HDX: variants seen among roughly 807,000 people sequenced by gnomAD.
HDX encodes highly divergent homeobox, also known as chromosome X open reading frame 43.
A neutral mutation model predicts 45.2 loss-of-function variants in HDX; 19 were observed. The ratio of observed to expected loss-of-function variants is 0.42; its 90% CI spans 0.29 to 0.62. The LOEUF (loss-of-function observed/expected upper bound fraction) is 0.62. Among genes scored for constraint, HDX ranks in the 20% least tolerant of loss-of-function variants. The pLI is 0.20. For missense variants in HDX, 532 were observed against 493.9 expected (o/e 1.08, Z -0.73); for synonymous variants, 188 against 172.8 (o/e 1.09, Z -0.69).
At position 84,404,486 on chromosome X, in the gene HDX, A is replaced by C. The variant is rs984633459; in HGVS notation, c.1305+36046T>G. 6.3e-5 allele frequency among the ~76,000 whole-genome samples: 7 copies of C among 111,662 alleles called. No individual in the cohort carries two copies. In the East Asian group the frequency reaches 1.1e-3, roughly 18 times the overall value. Reference sequence around the variant, plus strand: ...CATAACATCTGATCTAAGGTTAAGAATACTGTAGCATAATACAGTACCAAT... The same window carrying C: ...CATAACATCTGATCTAAGGTTAAGACTACTGTAGCATAATACAGTACCAAT... On this transcript the variant is annotated intron_variant, in intron 5 of 10. Transcript: ENST00000373177.
chrX:84,493,554 A>G (rs1046983331), intron 1 of HDX, among the ~76,000 whole-genome samples: 5 of 112,111 alleles, frequency 4.5e-5, no homozygotes, highest in African/African-American at 9.7e-5. Flanking sequence ...ATAAAGGGAC[A>G]TATATGTCTA....
In HDX at chrX:84,462,686, T is replaced by A. The variant is rs774238530; in HGVS notation, c.1251+5786A>T. 1.7e-3 allele frequency among the ~76,000 whole-genome samples: 192 copies of A among 110,311 alleles called. 1 individual carries two copies. Among genetic ancestry groups the A allele is most frequent in the Non-Finnish European group, 2.6e-3 (136 of 52,651 alleles). On this transcript the variant is annotated intron_variant, in intron 4 of 10. Transcript: ENST00000373177. ...GTGATACTGTTCTATTAATAAAAAA[T>A]TAAGAATTTTTTAAAAAATTGGCAT...
intron 5 of HDX, among the ~76,000 whole-genome samples, chrX:84,388,339 A>C (rs2038367049): frequency 9.0e-6 from 1 of 110,988 alleles, no homozygotes; most frequent in East Asian, 2.8e-4. Context: ...CTTGGATTGC[A>C]TGTCAACATC....
At chrX:84,428,300 C>A (rs923228226) in intron 5 of HDX, among the ~76,000 whole-genome samples, 6 of 110,494 alleles carry the variant, frequency 5.4e-5, no homozygotes, top group Admixed American at 9.7e-5. Context: ...ACAATTTTCC[C>A]ATTTCAAGGG....
chrX:84,348,482 T>C (rs914630371), intron 6 of HDX, among the ~76,000 whole-genome samples: 3 of 112,046 alleles, frequency 2.7e-5, no homozygotes, highest in African/African-American at 9.7e-5. Context: ...TGATGCTTGC[T>C]CTGTCTCTTC....
At chrX:84,455,245 GAC>G (rs977742566) in intron 4 of HDX, among the ~76,000 whole-genome samples, 9 of 111,807 alleles carry the variant, frequency 8.0e-5, no homozygotes, top group African/African-American at 2.9e-4. Flanking sequence ...ACTAATTGTG[GAC>G]AGACAGAAAT....
chrX:84,437,664 C>T (rs1007527269), intron 5 of HDX, among the ~76,000 whole-genome samples: 1 of 110,702 alleles, frequency 9.0e-6, no homozygotes, highest in South Asian at 3.8e-4. Context: ...GATACCTACC[C>T]CCATTGGTGT....
chrX:84,478,661 T>C (rs2040606331), intron 2 of HDX, among the ~76,000 whole-genome samples: 2 of 111,476 alleles, frequency 1.8e-5, no homozygotes, highest in East Asian at 5.6e-4. Flanking sequence ...TGAAACCAGC[T>C]TGGGCAGCAT....
At chrX:84,396,877 G>A (rs2038579026) in intron 5 of HDX, among the ~76,000 whole-genome samples, 2 of 111,175 alleles carry the variant, frequency 1.8e-5, no homozygotes, top group South Asian at 7.7e-4. Flanking sequence ...CATGTTCTAG[G>A]GCCTCACAGT....
intron 1 of HDX, among the ~76,000 whole-genome samples, chrX:84,489,985 A>T (rs180895846): frequency 0.01 from 1,155 of 112,402 alleles, 23 homozygotes; most frequent in African/African-American, 0.036. Flanking sequence ...ATAAAATATT[A>T]AGTTACTGTT....
At chrX:84,401,191 A>G (rs2056768475) in intron 5 of HDX, among the ~76,000 whole-genome samples, 1 of 112,197 alleles carries the variant, frequency 8.9e-6, no homozygotes, top group African/African-American at 3.2e-5. Context: ...ACAAAAGCCA[A>G]AATTGACAAA....
chrX:84,320,563 A>G lies in HDX; in HGVS notation c.*1326T>C, dbSNP rs747736657. ...AACAAAAATTAAAAACAAATTGGAA[A>G]CAGAAACTTGATGGCTGAAACAGCC... is the stretch of plus-strand genomic sequence containing the variant. On this transcript the variant is annotated 3_prime_UTR_variant, in exon 11 of 11. Transcript: ENST00000373177. 9.0e-6 allele frequency: 1 copy of G among 111,408 alleles called. No homozygotes were observed. Among genetic ancestry groups the G allele is most frequent in the African/African-American group, 3.2e-5 (1 of 30,912 alleles). 9.2% of individuals were successfully genotyped at this position (111,408 alleles called of 1,213,427 possible).
intron 6 of HDX, among the ~76,000 whole-genome samples, chrX:84,352,249 G>A (rs2037377580): frequency 8.9e-6 from 1 of 111,771 alleles, no homozygotes; most frequent in African/African-American, 3.2e-5. Context: ...TATTTGATGG[G>A]GGGAATTTTC....
chrX:84,337,471 T>A (rs1400399991), intron 7 of HDX, among the ~76,000 whole-genome samples: 1 of 111,528 alleles, frequency 9.0e-6, no homozygotes, highest in African/African-American at 3.2e-5. Flanking sequence ...TTATTTGTGT[T>A]TAAATATTTT....
At position 84,349,609 on chromosome X, in the gene HDX, G is replaced by GTGTA. The variant is rs1315482424; in HGVS notation, c.1453-5153_1453-5152insTACA. Among the ~76,000 whole-genome samples, 113 of 77,553 alleles carry GTGTA rather than the reference G, an allele frequency of 1.5e-3. 1 individual carries two copies. The East Asian group carries it at 0.016, about 11-fold the overall frequency. The allele number at this position is 77,553 out of a possible 115,157, so 67.3% of individuals were successfully genotyped here. A position where few individuals can be genotyped will look rare whatever the true frequency, so the allele number is the denominator to read the frequency against. On this transcript the variant is annotated intron_variant, in intron 6 of 10. Coordinates refer to ENST00000373177, the MANE Select transcript of HDX (RefSeq NM_001177479.2). ...TACATCTATATGTTTATGTGTGTGT[G>GTGTA]TATATATATATATATATATATAAAC...
At chrX:84,438,906 A>G (rs1324332457) in intron 5 of HDX, among the ~76,000 whole-genome samples, 1 of 111,473 alleles carries the variant, frequency 9.0e-6, no homozygotes, top group Non-Finnish European at 1.9e-5. Context: ...TACCCAGTAG[A>G]GGCATTGCTG....
intron 6 of HDX, among the ~76,000 whole-genome samples, chrX:84,354,541 G>C (rs765378859): frequency 9.1e-6 from 1 of 109,958 alleles, no homozygotes; most frequent in South Asian, 3.8e-4. Flanking sequence ...TTTTCCTCAG[G>C]GAACTTAAAT....
chrX:84,414,181 G>C (rs1349112946), intron 5 of HDX, among the ~76,000 whole-genome samples: 1 of 111,797 alleles, frequency 8.9e-6, no homozygotes, highest in Non-Finnish European at 1.9e-5. Flanking sequence ...TTACAAACTT[G>C]ATTTGTCATA....
At chrX:84,345,882 T>C (rs1209535997) in intron 6 of HDX, among the ~76,000 whole-genome samples, 1 of 111,322 alleles carries the variant, frequency 9.0e-6, no homozygotes, top group Non-Finnish European at 1.9e-5. Context: ...TGGCCATCTT[T>C]CCATGTGCTT....
Sources: gnomAD v4.1 joint callset for allele counts (sites outside exome capture counted in the v4.1 genomes callset) on GRCh38, gnomAD v4.1.1 for gene constraint, MANE v1.5 for transcripts, NCBI Gene and HGNC (gene_info 2026-07-23, HGNC 2026-07-21) for gene names.